The following AKT3 variants were observed in gnomAD, a reference collection of about 807,000 sequenced individuals.
AKT3 encodes RAC-gamma serine/threonine-protein kinase.
A neutral mutation model predicts 65.3 loss-of-function variants in AKT3; 15 were observed. The observed-to-expected ratio is 0.23, with a 90% CI of 0.15 to 0.35. The LOEUF (loss-of-function observed/expected upper bound fraction) is 0.35, where lower values mean the gene tolerates loss of function less well. AKT3 is among the 10% of genes least tolerant of loss of function. The pLI, the probability that AKT3 is intolerant of heterozygous loss-of-function variation, is 1.00. For missense variants in AKT3, 243 were observed against 576.5 expected, an observed-to-expected ratio of 0.42 and a Z score of 5.92; for synonymous variants, 206 against 183.8, an observed-to-expected ratio of 1.12 and a Z score of -0.98.
At chr1:243,551,626 CTA>C (rs1176931518) in intron 11 of AKT3, among the ~76,000 whole-genome samples, 1 of 151,694 alleles carries the variant, frequency 6.6e-6, no homozygotes, top group East Asian at 1.9e-4. Context: ...TCATAAAACT[CTA>C]TGTGAGGTAT....
At chr1:243,722,360 A>C (rs1280979913) in intron 2 of AKT3, among the ~76,000 whole-genome samples, 1 of 152,224 alleles carries the variant, frequency 6.6e-6, no homozygotes, top group Non-Finnish European at 1.5e-5. Context: ...ATAAAGTTCC[A>C]TCAAAGCAGC....
At chr1:243,727,001 T>C (rs1687250792) in intron 2 of AKT3, among the ~76,000 whole-genome samples, 1 of 152,220 alleles carries the variant, frequency 6.6e-6, no homozygotes, top group Admixed American at 6.5e-5. Flanking sequence ...GATGTCAGTA[T>C]TGTGGTAAAG....
At chr1:243,527,078 T>G (rs930784806) in intron 12 of AKT3, among the ~76,000 whole-genome samples, 1 of 152,170 alleles carries the variant, frequency 6.6e-6, no homozygotes, top group Admixed American at 6.5e-5. Flanking sequence ...ATATGAAGAT[T>G]AATCTTCAAA....
chr1:243,760,786 T>C (rs1300655660), intron 2 of AKT3, among the ~76,000 whole-genome samples: 1 of 152,176 alleles, frequency 6.6e-6, no homozygotes, highest in Non-Finnish European at 1.5e-5. Flanking sequence ...AAGTCTCACC[T>C]AGTGTTTCTC....
intron 2 of AKT3, among the ~76,000 whole-genome samples, chr1:243,709,851 GT>G (rs1686036699): frequency 6.6e-6 from 1 of 152,064 alleles, no homozygotes; most frequent in Non-Finnish European, 1.5e-5. Flanking sequence ...CTGTGTTCCA[GT>G]CTCAAGCAAA....
At chr1:243,756,048 C>T (rs531207638) in intron 2 of AKT3, among the ~76,000 whole-genome samples, 2 of 152,276 alleles carry the variant, frequency 1.3e-5, no homozygotes, top group South Asian at 4.1e-4. Flanking sequence ...TTGTAGATAA[C>T]TGAACCCCTG....
chr1:243,526,854 A>G (rs1671140419), intron 12 of AKT3, among the ~76,000 whole-genome samples: 1 of 149,268 alleles, frequency 6.7e-6, no homozygotes, highest in African/African-American at 2.5e-5. Context: ...GAAAACATGG[A>G]TCTTTAAGAA....
At chr1:243,813,489 A>T (rs915352291) in intron 2 of AKT3, among the ~76,000 whole-genome samples, 2 of 146,440 alleles carry the variant, frequency 1.4e-5, no homozygotes, top group Non-Finnish European at 3.0e-5. Context: ...CTATGGAAAT[A>T]AAAAAAAAAG....
At chr1:243,842,088 T>C (rs1395980107) in intron 2 of AKT3, among the ~76,000 whole-genome samples, 1 of 152,202 alleles carries the variant, frequency 6.6e-6, no homozygotes, top group Non-Finnish European at 1.5e-5. Context: ...GAGTGTTTGT[T>C]ACACTACTGT....
At chr1:243,713,746 T>TAAAAAAAA (rs572960154) in intron 2 of AKT3, among the ~76,000 whole-genome samples, 2 of 82,972 alleles carry the variant, frequency 2.4e-5, no homozygotes, top group African/African-American at 4.8e-5. Context: ...TTTGCCTTAA[T>TAAAAAAAA]AAAAAAAAAA....
At chr1:243,565,793 C>A (rs754488165) in intron 9 of AKT3, among the ~76,000 whole-genome samples, 1 of 152,010 alleles carries the variant, frequency 6.6e-6, no homozygotes, top group African/African-American at 2.4e-5. Flanking sequence ...TAATGAGAAA[C>A]GTTAAGTATA....
intron 2 of AKT3, among the ~76,000 whole-genome samples, chr1:243,786,391 G>A (rs1045066340): frequency 1.3e-5 from 2 of 152,110 alleles, no homozygotes; most frequent in African/African-American, 4.8e-5. Context: ...AAGAATAGCA[G>A]TCTTTAAAAG....
chr1:243,573,185 G>T, intron 8 of AKT3, 137 bp from the exon 9 acceptor site: 2 of 985,632 alleles, frequency 2.0e-6, no homozygotes, highest in Non-Finnish European at 2.8e-6. Flanking sequence ...AGCACTCTTA[G>T]ACAGCAGCTG....
At chr1:243,524,831 G>A (rs547933001) in intron 12 of AKT3, among the ~76,000 whole-genome samples, 4 of 152,168 alleles carry the variant, frequency 2.6e-5, no homozygotes, top group Non-Finnish European at 4.4e-5. Flanking sequence ...ACAATCTAAA[G>A]GTTCTGGGAA....
At chr1:243,595,883 C>T (rs1008493952) in intron 8 of AKT3, among the ~76,000 whole-genome samples, 7 of 151,934 alleles carry the variant, frequency 4.6e-5, no homozygotes, top group Admixed American at 1.3e-4. Flanking sequence ...ATGAAAAGTA[C>T]AATATATAAA....
chr1:243,582,230 C>T (rs1558631340), intron 8 of AKT3, among the ~76,000 whole-genome samples: 1 of 151,534 alleles, frequency 6.6e-6, no homozygotes, highest in Non-Finnish European at 1.5e-5. Context: ...TATCCAGATA[C>T]AAGAAATCCA....
intron 2 of AKT3, among the ~76,000 whole-genome samples, chr1:243,800,120 C>T (rs951118140): frequency 2.0e-5 from 3 of 152,184 alleles, no homozygotes; most frequent in African/African-American, 7.2e-5. Context: ...GCAATCTCAT[C>T]TGTACCAGAA....
rs1160487788 is a variant in AKT3, at chr1:243,841,588, G to C, written c.46+1537C>G. 2.0e-5 allele frequency among the ~76,000 whole-genome samples: 3 copies of C among 152,102 alleles called. No homozygotes were observed. In the East Asian group the frequency reaches 5.8e-4, roughly 29 times the overall value. On this transcript the variant is annotated intron_variant, in intron 2 of 13. Transcript: ENST00000673466. Reference sequence around the variant, plus strand: ...GACAATACAAATGGTCAGGCACATCGGAAAACAGCTGGGCAGTTTGTTAAA... The same window carrying C: ...GACAATACAAATGGTCAGGCACATCCGAAAACAGCTGGGCAGTTTGTTAAA...
intron 2 of AKT3, among the ~76,000 whole-genome samples, chr1:243,747,196 C>T (rs1054489744): frequency 1.3e-5 from 2 of 151,910 alleles, no homozygotes; most frequent in East Asian, 3.8e-4. Context: ...GTTCCTAGCA[C>T]AACAAAGGAA....
Sources: allele counts gnomAD v4.1 joint callset (sites outside exome capture counted in the v4.1 genomes callset), GRCh38; gene constraint gnomAD v4.1.1; transcripts MANE v1.5; gene names NCBI Gene and HGNC (gene_info 2026-07-23, HGNC 2026-07-21).